JPH1: variants seen among roughly 807,000 people sequenced by gnomAD.
JPH1 encodes junctophilin-1.
Under a neutral mutation model 53.6 loss-of-function variants are expected in JPH1, and 12 were observed. The observed-to-expected ratio is 0.22, with a 90% confidence interval of 0.14 to 0.36. The LOEUF (loss-of-function observed/expected upper bound fraction) is 0.36, where lower values mean the gene tolerates loss of function less well. JPH1 is among the 10% of genes least tolerant of loss of function. The probability of loss-of-function intolerance (pLI) is 1.00; values close to 1 mark genes in which losing one functional copy is unlikely to be tolerated. For missense variants in JPH1, 808 were observed against 905.5 expected (o/e 0.89, Z 1.38); for synonymous variants, 375 against 363.8 (o/e 1.03, Z -0.35).
intron 3 of JPH1, among the ~76,000 whole-genome samples, chr8:74,252,513 CATA>C (rs1362486130): frequency 6.6e-6 from 1 of 152,086 alleles, no homozygotes; most frequent in African/African-American, 2.4e-5. Flanking sequence ...CAGCTAACAT[CATA>C]ATGACAGGAT....
chr8:74,278,717 C>T (rs1311789052), intron 2 of JPH1, among the ~76,000 whole-genome samples: 1 of 152,102 alleles, frequency 6.6e-6, no homozygotes, highest in Non-Finnish European at 1.5e-5. Context: ...TAAGGTAATA[C>T]GTTGTGCCAA....
At chr8:74,241,534 A>G (rs532631723) in intron 4 of JPH1, among the ~76,000 whole-genome samples, 10 of 152,262 alleles carry the variant, frequency 6.6e-5, no homozygotes, top group African/African-American at 1.9e-4. Flanking sequence ...ACAGAAAGAA[A>G]TCCTAACTCA....
chr8:74,281,633 T>C (rs1295995118), intron 2 of JPH1, among the ~76,000 whole-genome samples: 1 of 152,192 alleles, frequency 6.6e-6, no homozygotes, highest in African/African-American at 2.4e-5. Flanking sequence ...GAATCCAAAC[T>C]CCAAGCCTGG....
chr8:74,247,873 CTT>C (rs572500158), intron 3 of JPH1, among the ~76,000 whole-genome samples: 1 of 152,124 alleles, frequency 6.6e-6, no homozygotes, highest in South Asian at 2.1e-4. Context: ...ACAACTATAA[CTT>C]ATCAATATAT....
In JPH1 at chr8:74,244,662, G is replaced by T. The variant is rs1280939212; in HGVS notation, c.1772C>A (p.Pro591His). ...AACTGGTTTTGTCACAGATTTGGAG[G>T]GACTCCACTTGTTAGCGGATGGCTT... is the stretch of plus-strand genomic sequence containing the variant. ...VHKPSANKWSPSKSVTKPVAK... is the reference protein window; with the variant it reads ...VHKPSANKWSHSKSVTKPVAK... The change falls in exon 4 of 6, where the codon CCC (proline) becomes CAC (histidine). Residue 591 changes from proline (P) to histidine (H), a missense_variant. Transcript: ENST00000342232. 1.9e-6 allele frequency: 3 copies of T among 1,614,170 alleles called. No homozygotes were observed.
At chr8:74,310,384 CTT>C (rs1807958754) in intron 2 of JPH1, among the ~76,000 whole-genome samples, 1 of 151,726 alleles carries the variant, frequency 6.6e-6, no homozygotes, top group South Asian at 2.1e-4. Flanking sequence ...TTTTGTAAAT[CTT>C]ATAAACACAG....
intron 2 of JPH1, among the ~76,000 whole-genome samples, chr8:74,298,187 T>C (rs996379342): frequency 6.6e-6 from 1 of 152,210 alleles, no homozygotes; most frequent in African/African-American, 2.4e-5. Context: ...TTTTTATCTA[T>C]CACCTTGAAT....
At chr8:74,273,809 T>C (rs1219591384) in intron 2 of JPH1, among the ~76,000 whole-genome samples, 1 of 152,182 alleles carries the variant, frequency 6.6e-6, no homozygotes, top group Non-Finnish European at 1.5e-5. Flanking sequence ...TTCTAAGCTT[T>C]TGAGTGATTT....
chr8:74,314,335 C>A (rs892406905), intron 2 of JPH1, among the ~76,000 whole-genome samples: 2 of 152,002 alleles, frequency 1.3e-5, no homozygotes, highest in Non-Finnish European at 2.9e-5. Flanking sequence ...TGTCTCAAAA[C>A]CAATTTTACC....
chr8:74,313,854 G>A (rs1022087408), intron 2 of JPH1, among the ~76,000 whole-genome samples: 1 of 152,106 alleles, frequency 6.6e-6, no homozygotes, highest in African/African-American at 2.4e-5. Flanking sequence ...ACTTAAATAA[G>A]ACTAAAAATA....
At chr8:74,270,761 G>A (rs1352208111) in intron 2 of JPH1, among the ~76,000 whole-genome samples, 1 of 152,184 alleles carries the variant, frequency 6.6e-6, no homozygotes, top group African/African-American at 2.4e-5. Context: ...TTAGTGGACT[G>A]CTTCAAAGCT....
intron 2 of JPH1, among the ~76,000 whole-genome samples, chr8:74,268,492 G>A (rs77591657): frequency 0.019 from 2,943 of 152,090 alleles, 103 homozygotes; most frequent in African/African-American, 0.068. Context: ...TTGGACCAGA[G>A]GAAATAGACA....
In JPH1 at chr8:74,237,309, A is replaced by T. The variant is rs763969500; in HGVS notation, c.1906-6T>A. 3.1e-6 allele frequency: 5 copies of T among 1,604,922 alleles called. No individual in the cohort carries two copies. In the South Asian group the frequency reaches 5.6e-5, roughly 18 times the overall value. On this transcript the variant is annotated splice_region_variant and splice_polypyrimidine_tract_variant and intron_variant, in intron 4 of 5. Coordinates refer to ENST00000342232, the MANE Select transcript of JPH1 (RefSeq NM_020647.4). ...ATCATGATTGAATTAGGGCCCTGAA[A>T]ATGAAAGAGAACAAAGTAACTATAA...
intron 2 of JPH1, among the ~76,000 whole-genome samples, chr8:74,279,102 A>G (rs1332153217): frequency 6.6e-6 from 1 of 152,182 alleles, no homozygotes; most frequent in Non-Finnish European, 1.5e-5. Flanking sequence ...GGCTGTGGAA[A>G]CACCATGTCC....
chr8:74,284,690 G>A (rs1212053666), intron 2 of JPH1, among the ~76,000 whole-genome samples: 1 of 151,220 alleles, frequency 6.6e-6, no homozygotes, highest in Non-Finnish European at 1.5e-5. Flanking sequence ...TTGAGTTCTA[G>A]TTCTTAAGGC....
At chr8:74,290,043 T>C (rs1164374640) in intron 2 of JPH1, among the ~76,000 whole-genome samples, 1 of 152,188 alleles carries the variant, frequency 6.6e-6, no homozygotes, top group Non-Finnish European at 1.5e-5. Flanking sequence ...GCCAATATCA[T>C]ACTGAATGGG....
intron 2 of JPH1, among the ~76,000 whole-genome samples, chr8:74,266,126 T>TA (rs147395937): frequency 0.051 from 7,559 of 147,122 alleles, 438 homozygotes; most frequent in African/African-American, 0.14. Context: ...CAGTATATAC[T>TA]AAAAAAAAAA....
intron 2 of JPH1, among the ~76,000 whole-genome samples, chr8:74,297,524 C>T (rs10108755): frequency 0.24 from 36,613 of 152,106 alleles, 4,797 homozygotes; most frequent in South Asian, 0.4. Context: ...TGTTCTTTGC[C>T]CTACCGACTC....
rs117066727 is a variant in JPH1, at chr8:74,269,084, C to A, written c.1140-9581G>T. On this transcript the variant is annotated intron_variant, in intron 2 of 5. Coordinates refer to ENST00000342232, the MANE Select transcript of JPH1 (RefSeq NM_020647.4). ...AACATTCTCTAAGGTAAAAAGATATCTGTTTTATATTATCTAAAATGGTTC... is the reference window on the plus strand; with the variant it reads ...AACATTCTCTAAGGTAAAAAGATATATGTTTTATATTATCTAAAATGGTTC... 3.0e-4 allele frequency among the ~76,000 whole-genome samples: 45 copies of A among 152,322 alleles called. No homozygotes were observed. The East Asian group carries it at 6.4e-3, about 22-fold the overall frequency.
Sources: gnomAD v4.1 joint callset for allele counts (sites outside exome capture counted in the v4.1 genomes callset) on GRCh38, gnomAD v4.1.1 for gene constraint, MANE v1.5 for transcripts, NCBI Gene and HGNC (gene_info 2026-07-23, HGNC 2026-07-21) for gene names.